Variants in NOL4 observed in about 807,000 individuals in gnomAD.
The protein encoded by NOL4 is cancer/testis antigen 125.
NOL4 carries 17 observed loss-of-function variants against 75.9 expected under a neutral mutation model. The observed-to-expected ratio is 0.22, with a 90% CI of 0.15 to 0.34. The LOEUF is 0.34. NOL4 is among the 10% of genes least tolerant of loss of function. The probability of loss-of-function intolerance (pLI) is 1.00; values close to 1 mark genes in which losing one functional copy is unlikely to be tolerated. For synonymous variants in NOL4, 292 were observed against 289.9 expected, an observed-to-expected ratio of 1.01 and a Z score of -0.07; for missense variants, 614 against 793.5, an observed-to-expected ratio of 0.77 and a Z score of 2.72.
chr18:33,914,516 G>T (rs182632173), intron 9 of NOL4, among the ~76,000 whole-genome samples: 30 of 152,140 alleles, frequency 2.0e-4, no homozygotes, highest in Non-Finnish European at 8.8e-5. Context: ...GATTACTCTG[G>T]CAACATATAA....
At chr18:33,923,166 T>C (rs915539810) in intron 9 of NOL4, among the ~76,000 whole-genome samples, 2 of 152,102 alleles carry the variant, frequency 1.3e-5, no homozygotes, top group African/African-American at 4.8e-5. Context: ...AATACCCTCA[T>C]GGATTTGGAT....
intron 1 of NOL4, among the ~76,000 whole-genome samples, chr18:34,207,199 C>T (rs2036184404): frequency 6.6e-6 from 1 of 152,104 alleles, no homozygotes; most frequent in Non-Finnish European, 1.5e-5. Flanking sequence ...GGGTTGACAT[C>T]TTCTGATTTT....
intron 5 of NOL4, among the ~76,000 whole-genome samples, chr18:34,022,782 G>T (rs1205553953): frequency 1.3e-5 from 2 of 151,894 alleles, no homozygotes; most frequent in Non-Finnish European, 2.9e-5. Context: ...ATCTACGTTA[G>T]CATAAGACAA....
At chr18:34,096,629 T>C (rs114328694) in intron 4 of NOL4, among the ~76,000 whole-genome samples, 2,321 of 152,208 alleles carry the variant, frequency 0.015, 54 homozygotes, top group African/African-American at 0.052. Context: ...TGAAAATCTA[T>C]TTTGTTTGAC....
intron 1 of NOL4, among the ~76,000 whole-genome samples, chr18:34,176,702 G>A (rs570767225): frequency 6.6e-6 from 1 of 152,232 alleles, no homozygotes; most frequent in African/African-American, 2.4e-5. Flanking sequence ...AGTATGCAGA[G>A]AGAAAGTGTT....
At position 34,161,598 on chromosome 18, in the gene NOL4, T is replaced by C. The variant is rs116290810; in HGVS notation, c.265-31578A>G. On this transcript the variant is annotated intron_variant, in intron 1 of 10. Transcript: ENST00000261592. Reference sequence around the variant, plus strand: ...TTTGTATTTCCTTGACGATTAATGATGTTGAGATTTTTTTTTCATATACTT... The same window carrying C: ...TTTGTATTTCCTTGACGATTAATGACGTTGAGATTTTTTTTTCATATACTT... Among the ~76,000 whole-genome samples the C allele has an allele frequency of 8.8e-3, 1,337 of 152,280 alleles. 19 individuals carry two copies. Among genetic ancestry groups the C allele is most frequent in the African/African-American group, 0.03 (1,243 of 41,558 alleles).
intron 1 of NOL4, among the ~76,000 whole-genome samples, chr18:34,157,449 TG>T (rs2030627219): frequency 6.6e-6 from 1 of 152,000 alleles, no homozygotes; most frequent in African/African-American, 2.4e-5. Flanking sequence ...AGGTTGAATT[TG>T]AGATGCCTGC....
intron 1 of NOL4, among the ~76,000 whole-genome samples, chr18:34,153,499 C>T (rs1352081679): frequency 6.6e-5 from 10 of 151,942 alleles, no homozygotes; most frequent in Admixed American, 6.6e-4. Context: ...CTATTATTCC[C>T]ATTTCACAGG....
In NOL4 at chr18:34,055,189, T is replaced by A. The variant is rs1438618899; in HGVS notation, c.773-35588A>T. Among the ~76,000 whole-genome samples, 4 of 152,032 alleles carry A rather than the reference T, an allele frequency of 2.6e-5. No homozygotes were observed. The East Asian group carries it at 5.8e-4, about 22-fold the overall frequency. On this transcript the variant is annotated intron_variant, in intron 5 of 10. Transcript: ENST00000261592. ...TAAAAGTAAATTTGTGCACCAAAAT[T>A]ATAATAATACTAGTTCCTATATGTG... is the stretch of plus-strand genomic sequence containing the variant.
intron 5 of NOL4, among the ~76,000 whole-genome samples, chr18:34,052,684 T>G (rs4258695): frequency 0.057 from 8,623 of 152,078 alleles, 654 homozygotes; most frequent in East Asian, 0.35. Context: ...TGGTCTAGTA[T>G]TATAGTACAG....
At chr18:34,125,067 T>A (rs889675026) in intron 2 of NOL4, among the ~76,000 whole-genome samples, 1 of 152,180 alleles carries the variant, frequency 6.6e-6, no homozygotes, top group Non-Finnish European at 1.5e-5. Context: ...ATATAAGGTA[T>A]CAATGACTGC....
intron 5 of NOL4, among the ~76,000 whole-genome samples, chr18:34,064,304 A>C (rs1254158334): frequency 6.6e-6 from 1 of 152,028 alleles, no homozygotes; most frequent in Non-Finnish European, 1.5e-5. Context: ...TGAAAGCTAC[A>C]ACAAAGGATT....
intron 8 of NOL4, among the ~76,000 whole-genome samples, chr18:33,955,479 T>C (rs1327304498): frequency 2.0e-5 from 3 of 152,090 alleles, no homozygotes; most frequent in Admixed American, 6.6e-5. Flanking sequence ...TATTTGTTTC[T>C]AAATTTATAT....
At chr18:34,006,366 T>G (rs1213376236) in intron 6 of NOL4, among the ~76,000 whole-genome samples, 3 of 152,090 alleles carry the variant, frequency 2.0e-5, no homozygotes, top group African/African-American at 7.2e-5. Flanking sequence ...AGATCAGCAT[T>G]TCAATTGGTA....
chr18:33,981,184 C>G (rs1234455730), intron 6 of NOL4, among the ~76,000 whole-genome samples: 1 of 150,298 alleles, frequency 6.7e-6, no homozygotes, highest in African/African-American at 2.4e-5. Context: ...TCTGAATAAA[C>G]AGAACAGAAT....
Position 34,123,740 on chromosome 18 carries a change from A to G in NOL4, c.414+6131T>C, listed in dbSNP as rs116261899. ...GATGGATACATATATGTCTATATAG[A>G]TATAGAAAGACATAGATCTATTTAT... On this transcript the variant is annotated intron_variant, in intron 2 of 10. Coordinates refer to ENST00000261592, the MANE Select transcript of NOL4 (RefSeq NM_003787.5). Among the ~76,000 whole-genome samples the G allele has an allele frequency of 3.9e-3, 589 of 149,976 alleles. 3 individuals carry two copies. Among genetic ancestry groups the G allele is most frequent in the African/African-American group, 0.014 (565 of 41,178 alleles).
chr18:34,029,909 A>C (rs11081837), intron 5 of NOL4, among the ~76,000 whole-genome samples: 82,960 of 151,986 alleles, frequency 0.55, 23,417 homozygotes, highest in Non-Finnish European at 0.63. Context: ...AATAATAAAT[A>C]TAGTGACAAA....
At chr18:34,215,766 A>C (rs2036843897) in intron 1 of NOL4, among the ~76,000 whole-genome samples, 3 of 152,192 alleles carry the variant, frequency 2.0e-5, no homozygotes, top group African/African-American at 7.2e-5. Flanking sequence ...GGTTAGGTGT[A>C]CTGACACCCT....
At chr18:34,155,186 T>C (rs2030148467) in intron 1 of NOL4, among the ~76,000 whole-genome samples, 1 of 151,868 alleles carries the variant, frequency 6.6e-6, no homozygotes, top group South Asian at 2.1e-4. Context: ...CATATATATA[T>C]ATATTTGAAA....
Sources: allele counts gnomAD v4.1 joint callset (sites outside exome capture counted in the v4.1 genomes callset), GRCh38; gene constraint gnomAD v4.1.1; transcripts MANE v1.5; gene names NCBI Gene and HGNC (gene_info 2026-07-23, HGNC 2026-07-21).